Variants in IRS2 observed in about 807,000 individuals in gnomAD.
The protein encoded by IRS2 is insulin receptor substrate 2.
Under a neutral mutation model 70.9 loss-of-function variants are expected in IRS2, and 28 were observed. That is an observed-to-expected ratio of 0.39 (90% confidence interval 0.29 to 0.54). The LOEUF (loss-of-function observed/expected upper bound fraction) is 0.54. Ranked by LOEUF, IRS2 falls within the 20% of genes least tolerant of loss-of-function variation. The pLI is 0.59. For missense variants in IRS2, 2,081 were observed against 2,024.1 expected, an observed-to-expected ratio of 1.03 and a Z score of -0.54; for synonymous variants, 1,217 against 981.9, an observed-to-expected ratio of 1.24 and a Z score of -4.48.
Position 109,756,099 on chromosome 13 carries a change from C to A in IRS2, c.*205G>T. ...AACGCAAACAGCACAATGATGAATG[C>A]CCCATCCGGGAACAAGGGAAAGAGG... is the stretch of plus-strand genomic sequence containing the variant. On this transcript the variant is annotated 3_prime_UTR_variant, in exon 2 of 2. Transcript: ENST00000375856. 1.8e-6 allele frequency: 1 copy of A among 560,492 alleles called. No homozygotes were observed. The highest frequency in any genetic ancestry group is 3.2e-6 in the Non-Finnish European group (1 of 311,544). 34.7% of individuals were successfully genotyped at this position (560,492 alleles called of 1,614,324 possible).
Position 109,755,382 on chromosome 13 carries a change from C to T in IRS2, c.*922G>A, listed in dbSNP as rs942256282. On this transcript the variant is annotated 3_prime_UTR_variant, in exon 2 of 2. Transcript: ENST00000375856. ...ATTTTTGGTTACAGAAAGGCATGCC[C>T]AAGATTCAGGAGAGCAGAGACATCT... The T allele has an allele frequency of 8.8e-6, 2 of 227,220 alleles. No individual in the cohort carries two copies. Among genetic ancestry groups the T allele is most frequent in the Non-Finnish European group, 1.7e-5 (2 of 114,512 alleles). The allele number at this position is 227,220 out of a possible 1,614,324, so 14.1% of individuals were successfully genotyped here.
Position 109,786,141 on chromosome 13 carries a change from C to T in IRS2, c.-88G>A, listed in dbSNP as rs1362717372. On this transcript the variant is annotated 5_prime_UTR_variant, in exon 1 of 2. Coordinates refer to ENST00000375856, the MANE Select transcript of IRS2 (RefSeq NM_003749.3). This position sits in a 1 kb window ranked among gnomAD's most constrained non-coding sequence, Gnocchi z 4.4. ...GGGGCGCGGGCGGGGGCGGCTCCCT[C>T]CCACCCTTGCGCCCGGCCGCCCGCC... The T allele has an allele frequency of 1.3e-6, 1 of 764,250 alleles. No individual in the cohort carries two copies. The allele number at this position is 764,250 out of a possible 1,614,324, so 47.3% of individuals were successfully genotyped here.
chr13:109,778,203 C>A (rs1035718939), intron 1 of IRS2, among the ~76,000 whole-genome samples: 1 of 152,146 alleles, frequency 6.6e-6, no homozygotes, highest in South Asian at 2.1e-4. Context: ...TATAATTACC[C>A]CCATTTTACA....
chr13:109,772,765 G>A (rs12584131), intron 1 of IRS2, among the ~76,000 whole-genome samples: 5,869 of 148,628 alleles, frequency 0.039, 149 homozygotes, highest in Admixed American at 0.056. Flanking sequence ...GCGCGATCTC[G>A]GCTCACTGCA....
At position 109,784,822 on chromosome 13, in the gene IRS2, C is replaced by T; in HGVS notation, c.1232G>A (p.Gly411Asp). The stretch of plus-strand genomic sequence containing the variant: ...CAGCAGCGCCACCTTGCTCCCGCGG[C>T]CGCCGCAGCCGCCGCTCAGGGTGTG... ...RSHTLSGGCGGRGSKVALLPA... is the reference protein window; with the variant it reads ...RSHTLSGGCGDRGSKVALLPA... The change falls in exon 1 of 2, where the codon GGC becomes GAC. Residue 411 changes from glycine (G) to aspartate (D), a missense_variant. This residue lies in a region of IRS2 where 1,615 missense variants were observed against 1,459.5 expected (regional missense o/e 1.11). Coordinates refer to ENST00000375856, the MANE Select transcript of IRS2 (RefSeq NM_003749.3). The surrounding 1 kb of genome is among the most constrained non-coding windows in gnomAD (Gnocchi z 5.2). 1 of 1,257,308 alleles carries T rather than the reference C, an allele frequency of 8.0e-7. No individual in the cohort carries two copies. Among genetic ancestry groups the T allele is most frequent in the South Asian group, 2.2e-5 (1 of 45,684 alleles). The allele number at this position is 1,257,308 out of a possible 1,614,324, so 77.9% of individuals were successfully genotyped here.
chr13:109,769,828 T>G (rs1261713937), intron 1 of IRS2, among the ~76,000 whole-genome samples: 1 of 152,210 alleles, frequency 6.6e-6, no homozygotes, highest in African/African-American at 2.4e-5. Flanking sequence ...ATGCAACAAT[T>G]GTCATCTTTG....
intron 1 of IRS2, among the ~76,000 whole-genome samples, chr13:109,769,591 C>G (rs9587983): frequency 0.031 from 4,733 of 152,304 alleles, 227 homozygotes; most frequent in African/African-American, 0.11. Context: ...TCCTTTCCCC[C>G]CTCTCCCTTC....
chr13:109,785,430 G>A lies in IRS2; in HGVS notation c.624C>T (p.Gly208=), dbSNP rs142923213. The change falls in exon 1 of 2, where the codon GGC becomes GGT. Residue 208 remains glycine (G), a synonymous_variant. Transcript: ENST00000375856. This position sits in a 1 kb window ranked among gnomAD's most constrained non-coding sequence, Gnocchi z 9.3. ...ACACCCCCGTCAGGTTCTTGCTCTG[G>A]CCCAGACCCTTGGGCTTCAGGTTCA... ...WQVNLKPKGL[G]QSKNLTGVYR... 1 of 1,612,112 alleles carries A rather than the reference G, an allele frequency of 6.2e-7. No homozygotes were observed. The highest frequency in any genetic ancestry group is 1.3e-5 in the African/African-American group (1 of 74,908).
intron 1 of IRS2, among the ~76,000 whole-genome samples, chr13:109,773,558 T>TG (rs1877505722): frequency 1.3e-5 from 2 of 152,244 alleles, no homozygotes; most frequent in Non-Finnish European, 2.9e-5. Flanking sequence ...TCGATTTCAC[T>TG]GGGGGTCTTC....
At chr13:109,765,977 C>T (rs1368788374) in intron 1 of IRS2, among the ~76,000 whole-genome samples, 2 of 46,580 alleles carry the variant, frequency 4.3e-5, no homozygotes, top group South Asian at 1.5e-3. Flanking sequence ...CTCATCCACC[C>T]TGGCTCCGAC....
chr13:109,782,943 G>A lies in IRS2; in HGVS notation c.3111C>T (p.Ala1037=). Residue 1037 remains alanine (A), a synonymous_variant, in exon 1 of 2, where the codon GCC becomes GCT. Coordinates refer to ENST00000375856, the MANE Select transcript of IRS2 (RefSeq NM_003749.3). Reference sequence around the variant, plus strand: ...GGGGCAGGCGGTACAGCTCCCCCGGGGCCGGCGGCGGTGGCGGCGGCTGCA... The same window carrying A: ...GGGGCAGGCGGTACAGCTCCCCCGGAGCCGGCGGCGGTGGCGGCGGCTGCA... ...SSLQPPPPPP[A]PGELYRLPPA... 1.4e-6 allele frequency: 2 copies of A among 1,453,502 alleles called. No homozygotes were observed. The highest frequency in any genetic ancestry group is 1.8e-6 in the Non-Finnish European group (2 of 1,106,512). 90.0% of individuals were successfully genotyped at this position (1,453,502 alleles called of 1,614,324 possible).
Position 109,782,765 on chromosome 13 carries a change from G to T in IRS2, c.3289C>A (p.Arg1097Ser), listed in dbSNP as rs868518499. The T allele has an allele frequency of 6.2e-7, 1 of 1,602,952 alleles. No individual in the cohort carries two copies. The highest frequency in any genetic ancestry group is 2.3e-5 in the East Asian group (1 of 44,318). ...ACGCCCGACGTCGGGCTGGCCACGC[G>T]GGCAGCTTCTGGCTTCGGGGGGGCC... ...IAAPPKPEAA[R>S]VASPTSGVKR... is the part of the protein sequence containing the mutation. Residue 1097 changes from arginine to serine, a missense_variant, in exon 1 of 2, where the codon CGC becomes AGC. Physicochemically the swap from Arg to Ser is moderately radical, Grantham distance 110. Transcript: ENST00000375856.
chr13:109,784,574 C>A lies in IRS2; in HGVS notation c.1480G>T (p.Asp494Tyr). 1 of 1,388,694 alleles carries A rather than the reference C, an allele frequency of 7.2e-7. No individual in the cohort carries two copies. 86.0% of individuals were successfully genotyped at this position (1,388,694 alleles called of 1,614,324 possible). The change falls in exon 1 of 2, where the codon GAC (aspartate) becomes TAC (tyrosine). Residue 494 changes from aspartate (D) to tyrosine (Y), a missense_variant. Around this residue, in one of 4 missense-constraint regions of IRS2, gnomAD observed 1,615 missense variants for 1,459.5 expected, o/e 1.11. Coordinates refer to ENST00000375856, the MANE Select transcript of IRS2 (RefSeq NM_003749.3). The surrounding 1 kb of genome is among the most constrained non-coding windows in gnomAD (Gnocchi z 5.2). Reference sequence around the variant, plus strand: ...TCGTCCAGGGACATGAAGCCGGGGTCGCTGGGGGAGCCCGAGGCGGAGGCG... The same window carrying A: ...TCGTCCAGGGACATGAAGCCGGGGTAGCTGGGGGAGCCCGAGGCGGAGGCG... ...GSASASGSPSDPGFMSLDEYG... is the reference protein window; with the variant it reads ...GSASASGSPSYPGFMSLDEYG...
chr13:109,784,377 G>A lies in IRS2; in HGVS notation c.1677C>T (p.Val559=). The A allele has an allele frequency of 6.2e-7, 1 of 1,610,302 alleles. No individual in the cohort carries two copies. ...LSHCGRSYRR[V]SGDAAQDLDR... ...CCAGGTCCTGGGCCGCGTCCCCCGAGACCCGGCGGTAGGAGCGGCCACAGT... is the reference window on the plus strand; with the variant it reads ...CCAGGTCCTGGGCCGCGTCCCCCGAAACCCGGCGGTAGGAGCGGCCACAGT... Residue 559 remains valine (V), a synonymous_variant, in exon 1 of 2, where the codon GTC becomes GTT. Transcript: ENST00000375856. The surrounding 1 kb of genome is among the most constrained non-coding windows in gnomAD (Gnocchi z 5.2).
chr13:109,755,917 C>T lies in IRS2; in HGVS notation c.*387G>A. On this transcript the variant is annotated 3_prime_UTR_variant, in exon 2 of 2. Coordinates refer to ENST00000375856, the MANE Select transcript of IRS2 (RefSeq NM_003749.3). ...TTTACCACTTCCATAGGTACGGGTGCACTCTCCTAGCATGCTGAGGGTTAT... is the reference window on the plus strand; with the variant it reads ...TTTACCACTTCCATAGGTACGGGTGTACTCTCCTAGCATGCTGAGGGTTAT... 1 of 304,018 alleles carries T rather than the reference C, an allele frequency of 3.3e-6. No homozygotes were observed. Among genetic ancestry groups the T allele is most frequent in the Non-Finnish European group, 6.2e-6 (1 of 160,056 alleles). 18.8% of individuals were successfully genotyped at this position (304,018 alleles called of 1,614,324 possible). A position where few individuals can be genotyped will look rare whatever the true frequency, so the allele number is the denominator to read the frequency against.
chr13:109,784,206 G>A lies in IRS2; in HGVS notation c.1848C>T (p.Cys616=), dbSNP rs1470764759. 3.8e-6 allele frequency: 6 copies of A among 1,572,534 alleles called. No individual in the cohort carries two copies. The highest frequency in any genetic ancestry group is 1.1e-5 in the South Asian group (1 of 87,522). The change falls in exon 1 of 2, where the codon TGC becomes TGT. Residue 616 remains cysteine, a synonymous_variant. Transcript: ENST00000375856. The surrounding 1 kb of genome is among the most constrained non-coding windows in gnomAD (Gnocchi z 5.2). ...SGSAGRLCPS[C]PASSPKVAYH... ...AGGCCACCTTGGGAGAGGACGCGGG[G>A]CAGGACGGGCAGAGGCGGCCCGCGC... is the stretch of plus-strand genomic sequence containing the variant.
chr13:109,778,718 C>A (rs1057234549), intron 1 of IRS2, among the ~76,000 whole-genome samples: 1 of 152,106 alleles, frequency 6.6e-6, no homozygotes. Context: ...TCCTTTTATT[C>A]AACAAAATTT....
chr13:109,769,808 GAT>G (rs2138918769), intron 1 of IRS2, among the ~76,000 whole-genome samples: 1 of 152,240 alleles, frequency 6.6e-6, no homozygotes, highest in African/African-American at 2.4e-5. Flanking sequence ...GTATTTTTGA[GAT>G]AGTCTATATG....
chr13:109,785,321 T>C lies in IRS2; in HGVS notation c.733A>G (p.Ile245Val). 1 of 1,610,196 alleles carries C rather than the reference T, an allele frequency of 6.2e-7. No homozygotes were observed. The stretch of plus-strand genomic sequence containing the variant: ...CTGTCCGAGTGGCCGCAGCGGCGGA[T>C]GTTCATGAGCTGCAGCGTCACCGAC... Reference protein sequence around the residue: ...QPSVTLQLMNIRRCGHSDSFF... With the variant: ...QPSVTLQLMNVRRCGHSDSFF... The change falls in exon 1 of 2, where the codon ATC (isoleucine) becomes GTC (valine). Residue 245 changes from isoleucine to valine, a missense_variant. By Grantham distance (29) the Ile-to-Val change is conservative. Transcript: ENST00000375856. This position sits in a 1 kb window ranked among gnomAD's most constrained non-coding sequence, Gnocchi z 9.3.
Sources: allele counts gnomAD v4.1 joint callset (sites outside exome capture counted in the v4.1 genomes callset), GRCh38; gene constraint gnomAD v4.1.1; regional missense constraint gnomAD v4.1.1; non-coding constraint Gnocchi (gnomAD v3.1); transcripts MANE v1.5; gene names NCBI Gene and HGNC (gene_info 2026-07-23, HGNC 2026-07-21).